The following RAB28 variants were observed in gnomAD, a reference collection of about 807,000 sequenced individuals.
RAB28 encodes the protein ras-related protein Rab-28.
In RAB28, 24 loss-of-function variants were observed where a neutral mutation model predicts 31.7. The ratio of observed to expected loss-of-function variants is 0.76; its 90% confidence interval spans 0.55 to 1.06. The LOEUF (loss-of-function observed/expected upper bound fraction) is 1.06, where lower values mean the gene tolerates loss of function less well. RAB28 is among the 50% of genes least tolerant of loss of function. The pLI is 0.00. For missense variants in RAB28, 254 were observed against 258.5 expected (o/e 0.98, Z 0.12); for synonymous variants, 100 against 90.4 (o/e 1.11, Z -0.60).
chr4:13,428,407 C>G (rs984792801), intron 4 of RAB28, among the ~76,000 whole-genome samples: 1 of 151,908 alleles, frequency 6.6e-6, no homozygotes, highest in African/African-American at 2.4e-5. Flanking sequence ...GTTCAAGACT[C>G]AATAAAAGGG....
At chr4:13,416,179 G>A (rs1341458553) in intron 4 of RAB28, among the ~76,000 whole-genome samples, 1 of 152,136 alleles carries the variant, frequency 6.6e-6, no homozygotes, top group Admixed American at 6.5e-5. Context: ...GTAGCAACCT[G>A]CTCAGGTCCC....
intron 4 of RAB28, among the ~76,000 whole-genome samples, chr4:13,386,193 G>C (rs558787228): frequency 1.3e-5 from 2 of 151,958 alleles, no homozygotes; most frequent in African/African-American, 4.8e-5. Context: ...CTGGACATAG[G>C]AACAGGCAGA....
At chr4:13,427,636 T>C (rs1044084258) in intron 4 of RAB28, among the ~76,000 whole-genome samples, 3 of 152,130 alleles carry the variant, frequency 2.0e-5, no homozygotes, top group Non-Finnish European at 2.9e-5. Flanking sequence ...TTCAGTATAT[T>C]TTTTACTACT....
chr4:13,483,232 G>T (rs1414326692), intron 1 of RAB28, among the ~76,000 whole-genome samples: 1 of 152,098 alleles, frequency 6.6e-6, no homozygotes, highest in Non-Finnish European at 1.5e-5. Context: ...CCACAGCCTT[G>T]GGGTAGGAGC....
chr4:13,420,133 A>G (rs1340753306), intron 4 of RAB28, among the ~76,000 whole-genome samples: 1 of 152,234 alleles, frequency 6.6e-6, no homozygotes, highest in South Asian at 2.1e-4. Context: ...AAACATCTCT[A>G]CGCAAATAAA....
chr4:13,386,412 GAAAAA>G (rs370951850), intron 4 of RAB28, among the ~76,000 whole-genome samples: 8 of 149,456 alleles, frequency 5.4e-5, no homozygotes, highest in Non-Finnish European at 1.2e-4. Context: ...AAATTTACAA[GAAAAA>G]AAAACAGCTC....
At chr4:13,394,074 T>A (rs1729766247) in intron 4 of RAB28, among the ~76,000 whole-genome samples, 1 of 152,062 alleles carries the variant, frequency 6.6e-6, no homozygotes, top group Non-Finnish European at 1.5e-5. Flanking sequence ...ATTACTACAA[T>A]TATCATAATC....
At chr4:13,452,458 T>G (rs1040963974) in intron 4 of RAB28, among the ~76,000 whole-genome samples, 1 of 152,012 alleles carries the variant, frequency 6.6e-6, no homozygotes, top group Non-Finnish European at 1.5e-5. Context: ...TAACTTTTTG[T>G]ATATTGTGTT....
chr4:13,416,264 C>T (rs2108915092), intron 4 of RAB28, among the ~76,000 whole-genome samples: 1 of 152,304 alleles, frequency 6.6e-6, no homozygotes, highest in Admixed American at 6.5e-5. Flanking sequence ...TTGGTCCACA[C>T]TGCCTTTATG....
At chr4:13,473,562 C>T (rs578157197) in intron 3 of RAB28, among the ~76,000 whole-genome samples, 1 of 151,728 alleles carries the variant, frequency 6.6e-6, no homozygotes, top group Non-Finnish European at 1.5e-5. Context: ...ATTAAAAAGA[C>T]AATTCTTCAC....
At chr4:13,462,579 C>CG (rs1453857617) in intron 3 of RAB28, among the ~76,000 whole-genome samples, 1 of 152,096 alleles carries the variant, frequency 6.6e-6, no homozygotes, top group Admixed American at 6.5e-5. Context: ...TATGACCTTC[C>CG]AGGATTATTA....
chr4:13,459,167 G>A (rs951312373), intron 4 of RAB28, among the ~76,000 whole-genome samples: 10 of 152,178 alleles, frequency 6.6e-5, no homozygotes, highest in Non-Finnish European at 1.2e-4. Flanking sequence ...GACTTACACT[G>A]GTGGTTTGCC....
chr4:13,472,420 A>C (rs1006650119), intron 3 of RAB28, among the ~76,000 whole-genome samples: 2 of 151,478 alleles, frequency 1.3e-5, no homozygotes, highest in Non-Finnish European at 2.9e-5. Flanking sequence ...ATTAGATAAT[A>C]AATTTTTAAA....
At chr4:13,407,078 GC>G (rs1468908264) in intron 4 of RAB28, among the ~76,000 whole-genome samples, 1 of 152,102 alleles carries the variant, frequency 6.6e-6, no homozygotes, top group African/African-American at 2.4e-5. Context: ...TGAAGTCTTT[GC>G]CCAAGCCTAT....
At chr4:13,391,400 A>C (rs777742348) in intron 4 of RAB28, among the ~76,000 whole-genome samples, 5 of 152,204 alleles carry the variant, frequency 3.3e-5, no homozygotes, top group African/African-American at 1.2e-4. Flanking sequence ...AAAAGTCAGG[A>C]AACAACAGAT....
At chr4:13,387,649 T>C (rs1729434668) in intron 4 of RAB28, among the ~76,000 whole-genome samples, 1 of 152,072 alleles carries the variant, frequency 6.6e-6, no homozygotes, top group Non-Finnish European at 1.5e-5. Flanking sequence ...TCTTTTGGTA[T>C]TTGCTAGATT....
At position 13,427,366 on chromosome 4, in the gene RAB28, A is replaced by G. The variant is rs562567449; in HGVS notation, c.391+33333T>C. The stretch of plus-strand genomic sequence containing the variant: ...TATATAATGCAATTGATTTCACACA[A>G]TGAATGTCAGACAAGACAAGCATGT... On this transcript the variant is annotated intron_variant, in intron 4 of 6. Transcript: ENST00000330852. 5.3e-5 allele frequency among the ~76,000 whole-genome samples: 8 copies of G among 152,370 alleles called. No individual in the cohort carries two copies. In the South Asian group the frequency reaches 1.7e-3, roughly 32 times the overall value.
At chr4:13,418,600 A>G (rs1013363796) in intron 4 of RAB28, among the ~76,000 whole-genome samples, 1 of 152,234 alleles carries the variant, frequency 6.6e-6, no homozygotes. Context: ...CCAATATTCA[A>G]CATTCTTAAA....
At chr4:13,410,216 T>C (rs1712354032) in intron 4 of RAB28, among the ~76,000 whole-genome samples, 1 of 152,184 alleles carries the variant, frequency 6.6e-6, no homozygotes, top group South Asian at 2.1e-4. Flanking sequence ...GGTAGTTCTT[T>C]ATAGCAGTGT....
Sources: allele counts gnomAD v4.1 joint callset (sites outside exome capture counted in the v4.1 genomes callset), GRCh38; gene constraint gnomAD v4.1.1; transcripts MANE v1.5; gene names NCBI Gene and HGNC (gene_info 2026-07-23, HGNC 2026-07-21).